The following PCSK5 variants were observed in gnomAD, a reference collection of about 807,000 sequenced individuals.
The protein encoded by PCSK5 is prohormone convertase 5.
PCSK5 carries 129 observed loss-of-function variants against 233.2 expected under a neutral mutation model. The ratio of observed to expected loss-of-function variants is 0.55; its 90% CI spans 0.48 to 0.64. PCSK5 has a LOEUF of 0.64. Among genes scored for constraint, PCSK5 ranks in the 30% least tolerant of loss-of-function variants. PCSK5 has a pLI of 0.00. For synonymous variants in PCSK5, 825 were observed against 879.2 expected (o/e 0.94, Z 1.09); for missense variants, 2,076 against 2,430.1 (o/e 0.85, Z 3.06).
At chr9:76,317,433 A>G (rs1440656922) in intron 30 of PCSK5, among the ~76,000 whole-genome samples, 2 of 152,212 alleles carry the variant, frequency 1.3e-5, no homozygotes, top group Admixed American at 6.5e-5. Flanking sequence ...CACTCAATAT[A>G]TTTTTGTTTA....
At position 76,149,739 on chromosome 9, in the gene PCSK5, G is replaced by T. The variant is rs78547448; in HGVS notation, c.1313-7306G>T. Among the ~76,000 whole-genome samples, 25 of 152,242 alleles carry T rather than the reference G, an allele frequency of 1.6e-4. 1 individual carries two copies. The East Asian group carries it at 4.8e-3, about 29-fold the overall frequency. On this transcript the variant is annotated intron_variant, in intron 10 of 37. Coordinates refer to ENST00000674117, the MANE Select transcript of PCSK5 (RefSeq NM_001372043.1). ...AAAATGGGATCTGGATATGATGTGG[G>T]TTACATGGCTGGGTCTCCCCAAGCT...
At chr9:76,189,022 A>G (rs1824236553) in intron 18 of PCSK5, 72 bp from the exon 19 acceptor site, 2 of 1,366,864 alleles carry the variant, frequency 1.5e-6, no homozygotes, top group East Asian at 2.3e-5. Flanking sequence ...TCAAACTGTT[A>G]AAGAAGAAGC....
At chr9:76,248,196 C>T (rs555702785) in intron 24 of PCSK5, among the ~76,000 whole-genome samples, 2 of 152,268 alleles carry the variant, frequency 1.3e-5, no homozygotes, top group Non-Finnish European at 2.9e-5. Context: ...TCACAAAGTG[C>T]TAGGATTACA....
intron 24 of PCSK5, among the ~76,000 whole-genome samples, chr9:76,288,401 C>A (rs187496987): frequency 6.6e-6 from 1 of 152,260 alleles, no homozygotes; most frequent in African/African-American, 2.4e-5. Flanking sequence ...TAAATTCATG[C>A]TTTTCTGCTA....
At chr9:76,215,987 C>G (rs1312214286) in intron 20 of PCSK5, among the ~76,000 whole-genome samples, 2 of 152,042 alleles carry the variant, frequency 1.3e-5, no homozygotes, top group Non-Finnish European at 2.9e-5. Flanking sequence ...GAGTCAGACT[C>G]CAAGGGGGAG....
intron 31 of PCSK5, 58 bp downstream of exon 31, chr9:76,321,697 G>A (rs1829211565): frequency 1.2e-5 from 13 of 1,098,136 alleles, no homozygotes; most frequent in Non-Finnish European, 1.6e-5. Flanking sequence ...GTTGGGGGCC[G>A]ATTATCTGAG....
chr9:76,000,808 A>T (rs903950953), intron 3 of PCSK5, among the ~76,000 whole-genome samples: 3 of 152,148 alleles, frequency 2.0e-5, no homozygotes, highest in South Asian at 2.1e-4. Context: ...AGGTCCTTTA[A>T]TGTGACCCCA....
intron 20 of PCSK5, chr9:76,193,168 C>G: frequency 1.4e-6 from 2 of 1,392,544 alleles, no homozygotes; most frequent in Non-Finnish European, 2.0e-6. Flanking sequence ...TCACAACCTT[C>G]TTCCATGTGT....
chr9:76,314,708 C>T (rs1024602285), intron 30 of PCSK5, among the ~76,000 whole-genome samples: 1 of 152,156 alleles, frequency 6.6e-6, no homozygotes, highest in African/African-American at 2.4e-5. Context: ...GCGATCTCGG[C>T]TCACTGCAAT....
chr9:76,109,958 A>C (rs1832142103), intron 9 of PCSK5, among the ~76,000 whole-genome samples: 1 of 152,224 alleles, frequency 6.6e-6, no homozygotes, highest in Non-Finnish European at 1.5e-5. Flanking sequence ...CTCCAGTAAC[A>C]GTGCATTAAG....
chr9:76,061,668 G>C (rs987995334), intron 5 of PCSK5, among the ~76,000 whole-genome samples: 1 of 151,874 alleles, frequency 6.6e-6, no homozygotes, highest in African/African-American at 2.4e-5. Flanking sequence ...ATTGATCATA[G>C]TTTACAATTG....
intron 9 of PCSK5, among the ~76,000 whole-genome samples, chr9:76,113,893 G>A (rs1255613041): frequency 1.3e-5 from 2 of 152,056 alleles, no homozygotes; most frequent in East Asian, 1.9e-4. Flanking sequence ...TGCTTATTGA[G>A]GTAAAATTGC....
chr9:76,034,790 A>C (rs1828789646), intron 5 of PCSK5, among the ~76,000 whole-genome samples: 1 of 152,200 alleles, frequency 6.6e-6, no homozygotes, highest in Non-Finnish European at 1.5e-5. Context: ...ACATATACTA[A>C]GTTGATTTTC....
chr9:76,330,431 T>C (rs192415758), intron 33 of PCSK5, among the ~76,000 whole-genome samples: 2 of 152,136 alleles, frequency 1.3e-5, no homozygotes, highest in East Asian at 3.9e-4. Context: ...AGAGTAGACC[T>C]GAGAAGCGTG....
At position 76,310,682 on chromosome 9, in the gene PCSK5, G is replaced by C; in HGVS notation, c.3715G>C (p.Val1239Leu). Residue 1239 changes from valine to leucine, a missense_variant, in exon 30 of 38, where the codon GTT becomes CTT. Val to Leu is a conservative substitution (Grantham distance 32). Coordinates refer to ENST00000674117, the MANE Select transcript of PCSK5 (RefSeq NM_001372043.1). ...TGCATATCTTCTGGCTCAGGCCTGT[G>C]TTTCCTCCTGTCCCCAAGGCACATG... ...KGAYLLAQAC[V>L]SSCPQGTWPS... is the part of the protein sequence containing the mutation. 1 of 1,598,436 alleles carries C rather than the reference G, an allele frequency of 6.3e-7. No homozygotes were observed.
chr9:76,206,559 T>C (rs1002957417), intron 20 of PCSK5, among the ~76,000 whole-genome samples: 4 of 152,152 alleles, frequency 2.6e-5, no homozygotes, highest in African/African-American at 7.2e-5. Flanking sequence ...GCTAATTGTC[T>C]CCACTTGCCT....
At chr9:76,308,385 C>T (rs1828767558) in intron 28 of PCSK5, among the ~76,000 whole-genome samples, 1 of 152,200 alleles carries the variant, frequency 6.6e-6, no homozygotes, top group Admixed American at 6.5e-5. Context: ...TTGTAGAATA[C>T]CACATTCCTT....
intron 15 of PCSK5, among the ~76,000 whole-genome samples, chr9:76,180,640 G>A (rs571549264): frequency 5.3e-5 from 8 of 151,882 alleles, no homozygotes; most frequent in South Asian, 2.1e-4. Flanking sequence ...TCCTTCAGGC[G>A]AAAACTCACT....
intron 3 of PCSK5, among the ~76,000 whole-genome samples, chr9:75,989,897 G>C (rs928877703): frequency 1.3e-5 from 2 of 152,092 alleles, no homozygotes; most frequent in Non-Finnish European, 2.9e-5. Flanking sequence ...GTACTAGGAG[G>C]TAAGGAGTGT....
Sources: gnomAD v4.1 joint callset for allele counts (sites outside exome capture counted in the v4.1 genomes callset) on GRCh38, gnomAD v4.1.1 for gene constraint, MANE v1.5 for transcripts, NCBI Gene and HGNC (gene_info 2026-07-23, HGNC 2026-07-21) for gene names.